The following CIT variants were observed in gnomAD, a reference collection of about 807,000 sequenced individuals.
The protein encoded by CIT is citron rho-interacting serine/threonine kinase.
Under a neutral mutation model 272.7 loss-of-function variants are expected in CIT, and 79 were observed. That is an observed-to-expected ratio of 0.29 (90% confidence interval 0.24 to 0.35). CIT has a LOEUF of 0.35. Among genes scored for constraint, CIT ranks in the 10% least tolerant of loss-of-function variants. The pLI, the probability that CIT is intolerant of heterozygous loss-of-function variation, is 1.00. For missense variants in CIT, 1,909 were observed against 2,618.3 expected, an observed-to-expected ratio of 0.73 and a Z score of 5.91; for synonymous variants, 948 against 995.6, an observed-to-expected ratio of 0.95 and a Z score of 0.90.
chr12:119,757,350 G>A (rs771212342), intron 22 of CIT, 21 bp downstream of exon 22: 6 of 1,612,636 alleles, frequency 3.7e-6, no homozygotes, highest in Admixed American at 1.7e-5. Context: ...ATCCTCCCAG[G>A]AGATGACTCC....
At chr12:119,816,479 A>G (rs898019886) in intron 9 of CIT, among the ~76,000 whole-genome samples, 1 of 152,170 alleles carries the variant, frequency 6.6e-6, no homozygotes, top group Non-Finnish European at 1.5e-5. Flanking sequence ...AAAGATGAGC[A>G]AGAAACTCTG....
chr12:119,690,327 C>T lies in CIT; in HGVS notation c.6010G>A (p.Gly2004Arg). ...EPSTPHRYRE[G>R]RTELRRDKSP... ...TTGTCCCTGCGCAGCTCGGTCCGCC[C>T]CTCGCGGTAGCGGTGGGGTGTGCTT... Residue 2004 changes from glycine to arginine, a missense_variant, in exon 47 of 48, where the codon GGG (glycine) becomes AGG (arginine). This residue lies in a region of CIT where 780 missense variants were observed against 1,067.2 expected (regional missense o/e 0.73). Coordinates refer to ENST00000392521, the MANE Select transcript of CIT (RefSeq NM_001206999.2). The surrounding 1 kb of genome is among the most constrained non-coding windows in gnomAD (Gnocchi z 6.0). 6.3e-7 allele frequency: 1 copy of T among 1,596,536 alleles called. No homozygotes were observed. Among genetic ancestry groups the T allele is most frequent in the Non-Finnish European group, 8.5e-7 (1 of 1,178,048 alleles).
chr12:119,713,029 A>G lies in CIT; in HGVS notation c.4579+174T>C, dbSNP rs1016872298. 4.6e-6 allele frequency: 3 copies of G among 658,436 alleles called. No individual in the cohort carries two copies. The highest frequency in any genetic ancestry group is 1.8e-5 in the African/African-American group (1 of 55,476). 40.8% of individuals were successfully genotyped at this position (658,436 alleles called of 1,614,324 possible). On this transcript the variant is annotated intron_variant, in intron 35 of 47. Transcript: ENST00000392521. This position sits in a 1 kb window ranked among gnomAD's most constrained non-coding sequence, Gnocchi z 5.2. ...CGGGTTCTTCAGGGGGGAGACCTAT[A>G]GATGTGAGTATCGCACCAATAACCT...
rs141225976 is a variant in CIT, at chr12:119,713,722, C to T, written c.4307-74G>A. ...ACCCTTCCCTTCCTCTGCCAGCCAA[C>T]GCCTGGGCTTCTCTACCCCAGCCGG... On this transcript the variant is annotated intron_variant, in intron 33 of 47. Transcript: ENST00000392521. The surrounding 1 kb of genome is among the most constrained non-coding windows in gnomAD (Gnocchi z 5.2). 1.7e-4 allele frequency: 254 copies of T among 1,514,110 alleles called. No homozygotes were observed. Among genetic ancestry groups the T allele is most frequent in the African/African-American group, 4.7e-4 (34 of 73,048 alleles). The allele number at this position is 1,514,110 out of a possible 1,614,324, so 93.8% of individuals were successfully genotyped here. A position where few individuals can be genotyped will look rare whatever the true frequency, so the allele number is the denominator to read the frequency against.
intron 23 of CIT, among the ~76,000 whole-genome samples, chr12:119,745,394 A>AAAAAAAAAAAAAAAAAAAAAC (rs1565978173): frequency 6.8e-6 from 1 of 146,044 alleles, no homozygotes; most frequent in Non-Finnish European, 1.5e-5. Flanking sequence ...AAAAAAAAAA[A>AAAAAAAAAAAAAAAAAAAAAC]AAAACACCTG....
chr12:119,725,746 G>A (rs1287043059), intron 28 of CIT, among the ~76,000 whole-genome samples: 3 of 152,204 alleles, frequency 2.0e-5, no homozygotes, highest in African/African-American at 4.8e-5. Context: ...TCCTAGAGTC[G>A]TCACTGACTC....
In CIT at chr12:119,752,187, G is replaced by A. The variant is rs778252623; in HGVS notation, c.2767C>T (p.Leu923Phe). 1 of 1,611,920 alleles carries A rather than the reference G, an allele frequency of 6.2e-7. No individual in the cohort carries two copies. Among genetic ancestry groups the A allele is most frequent in the Non-Finnish European group, 8.5e-7 (1 of 1,179,948 alleles). Residue 923 changes from leucine (L) to phenylalanine (F), a missense_variant, in exon 23 of 48, where the codon CTC (leucine) becomes TTC (phenylalanine). By Grantham distance (22) the Leu-to-Phe change is conservative (BLOSUM62 0). Around this residue, in one of 8 missense-constraint regions of CIT, gnomAD observed 530 missense variants for 822.4 expected, o/e 0.64. Transcript: ENST00000392521. The part of the protein sequence containing the change: ...ELKRQLTELQ[L>F]SLQERESQLT... ...TGTGACTCGCGCTCCTGCAGGGAGA[G>A]CTGTAGCTCTGTGAGCTGGCGCTTG...
intron 23 of CIT, among the ~76,000 whole-genome samples, chr12:119,747,752 T>A (rs1206933576): frequency 2.0e-5 from 3 of 152,160 alleles, no homozygotes; most frequent in Non-Finnish European, 4.4e-5. Context: ...TTAAGACAGA[T>A]ATTTTTCAAA....
In CIT at chr12:119,784,145, G is replaced by A. The variant is rs767371579; in HGVS notation, c.1402-94C>T. The A allele has an allele frequency of 2.2e-5, 36 of 1,612,038 alleles. No homozygotes were observed. Among genetic ancestry groups the A allele is most frequent in the Non-Finnish European group, 3.0e-5 (35 of 1,178,942 alleles). On this transcript the variant is annotated intron_variant, in intron 11 of 47. Transcript: ENST00000392521. This position sits in a 1 kb window ranked among gnomAD's most constrained non-coding sequence, Gnocchi z 4.7. Reference sequence around the variant, plus strand: ...AGCCTCCGAAACCACCTGGTGGTCTGGGCTAAGGCTAATTCGCCAAAAGTT... The same window carrying A: ...AGCCTCCGAAACCACCTGGTGGTCTAGGCTAAGGCTAATTCGCCAAAAGTT...
chr12:119,854,778 C>T (rs371258181), intron 4 of CIT, among the ~76,000 whole-genome samples: 6 of 151,616 alleles, frequency 4.0e-5, no homozygotes, highest in South Asian at 2.1e-4. Flanking sequence ...GTGAAACCCC[C>T]CCTCTGCACT....
intron 10 of CIT, among the ~76,000 whole-genome samples, chr12:119,794,156 C>A (rs1016298141): frequency 1.7e-4 from 26 of 152,136 alleles, no homozygotes; most frequent in Admixed American, 1.6e-3. Context: ...CACATGTGCA[C>A]AGTAGTTATT....
At chr12:119,836,375 C>CT (rs1969019616) in intron 5 of CIT, among the ~76,000 whole-genome samples, 1 of 150,816 alleles carries the variant, frequency 6.6e-6, no homozygotes, top group Non-Finnish European at 1.5e-5. Flanking sequence ...TTCTTTCCCC[C>CT]AAGTTCCTAG....
At position 119,718,046 on chromosome 12, in the gene CIT, G is replaced by T. The variant is rs1957624366; in HGVS notation, c.4168+199C>A. Among the ~76,000 whole-genome samples the T allele has an allele frequency of 6.6e-6, 1 of 151,630 alleles. No homozygotes were observed. Among genetic ancestry groups the T allele is most frequent in the Admixed American group, 6.6e-5 (1 of 15,232 alleles). ...GTAGAGACGGGGTTTCTCCATGTTG[G>T]TCAGGCTGGTCTTGAGCTCCCAACT... On this transcript the variant is annotated intron_variant, in intron 32 of 47. Transcript: ENST00000392521. The surrounding 1 kb of genome is among the most constrained non-coding windows in gnomAD (Gnocchi z 4.8).
chr12:119,764,662 T>C (rs1962203729), intron 19 of CIT, among the ~76,000 whole-genome samples: 1 of 150,282 alleles, frequency 6.7e-6, no homozygotes, highest in Non-Finnish European at 1.5e-5. Flanking sequence ...GAACAGCAGA[T>C]TAGACACAGC....
chr12:119,821,122 CCT>C (rs58456369), intron 9 of CIT, among the ~76,000 whole-genome samples: 98,077 of 151,520 alleles, frequency 0.65, 31,974 homozygotes, highest in East Asian at 0.83. Context: ...ATGGAAAAAC[CCT>C]GTTTCTACGA....
At position 119,846,987 on chromosome 12, in the gene CIT, C is replaced by CT. The variant is rs35994050; in HGVS notation, c.516+3186dup. Among the ~76,000 whole-genome samples, 800 of 147,610 alleles carry CT rather than the reference C, an allele frequency of 5.4e-3. 9 individuals are homozygous for CT. The highest frequency in any genetic ancestry group is 0.018 in the African/African-American group (724 of 40,288). On this transcript the variant is annotated intron_variant, in intron 5 of 47. Coordinates refer to ENST00000392521, the MANE Select transcript of CIT (RefSeq NM_001206999.2). ...AAGCCCTGTTGTTTCAAGGGAACGT[C>CT]TTTTTTTTTTTTCTTGAGACGGAGC... is the stretch of plus-strand genomic sequence containing the variant.
chr12:119,768,551 G>C lies in CIT; in HGVS notation c.2209-1369C>G, dbSNP rs1962728605. 6.6e-6 allele frequency among the ~76,000 whole-genome samples: 1 copy of C among 152,194 alleles called. No individual in the cohort carries two copies. The highest frequency in any genetic ancestry group is 2.4e-5 in the African/African-American group (1 of 41,452). ...AGATTCACACACACTTAAAATGTTAGTGATTAAGCTTTTGATATTCTAAAG... is the reference window on the plus strand; with the variant it reads ...AGATTCACACACACTTAAAATGTTACTGATTAAGCTTTTGATATTCTAAAG... On this transcript the variant is annotated intron_variant, in intron 18 of 47. Transcript: ENST00000392521. This position sits in a 1 kb window ranked among gnomAD's most constrained non-coding sequence, Gnocchi z 4.3.
At chr12:119,858,218 C>T (rs1479558361) in intron 3 of CIT, among the ~76,000 whole-genome samples, 2 of 152,072 alleles carry the variant, frequency 1.3e-5, no homozygotes, top group African/African-American at 4.8e-5. Flanking sequence ...TGTGGCAGTG[C>T]TTAAAGGGGC....
At chr12:119,787,152 A>G (rs1364968531) in intron 10 of CIT, among the ~76,000 whole-genome samples, 1 of 151,882 alleles carries the variant, frequency 6.6e-6, no homozygotes, top group Non-Finnish European at 1.5e-5. Flanking sequence ...TTTTGTAGAC[A>G]CGGGGTTTCT....
Sources: gnomAD v4.1 joint callset for allele counts (sites outside exome capture counted in the v4.1 genomes callset) on GRCh38, gnomAD v4.1.1 for gene constraint, gnomAD v4.1.1 regional missense constraint, Gnocchi (gnomAD v3.1) non-coding constraint, MANE v1.5 for transcripts, NCBI Gene and HGNC (gene_info 2026-07-23, HGNC 2026-07-21) for gene names.